Variants in SCN3B observed in about 807,000 individuals in gnomAD.
SCN3B encodes sodium channel regulatory subunit beta-3.
A neutral mutation model predicts 25.4 loss-of-function variants in SCN3B; 11 were observed. That is an observed-to-expected ratio of 0.43 (90% CI 0.27 to 0.72). The LOEUF (loss-of-function observed/expected upper bound fraction) is 0.72, where lower values mean the gene tolerates loss of function less well. Ranked by LOEUF, SCN3B falls within the 30% of genes least tolerant of loss-of-function variation. The pLI, the probability that SCN3B is intolerant of heterozygous loss-of-function variation, is 0.18. For missense variants in SCN3B, 218 were observed against 278.3 expected, an observed-to-expected ratio of 0.78 and a Z score of 1.54; for synonymous variants, 109 against 110.7, an observed-to-expected ratio of 0.99 and a Z score of 0.09.
chr11:123,654,127 C>G (rs1955964964), intron 1 of SCN3B, 99 bp downstream of exon 1: 2 of 474,280 alleles, frequency 4.2e-6, no homozygotes, highest in East Asian at 4.0e-5. Flanking sequence ...CCACTCGCGC[C>G]CCTGCCTCGC....
Position 123,645,574 on chromosome 11 carries a change from C to T in SCN3B, c.219+13G>A. 6.2e-7 allele frequency: 1 copy of T among 1,614,018 alleles called. No individual in the cohort carries two copies. The highest frequency in any genetic ancestry group is 8.5e-7 in the Non-Finnish European group (1 of 1,179,902). On this transcript the variant is annotated intron_variant, in intron 3 of 6. Coordinates refer to ENST00000299333, the MANE Select transcript of SCN3B (RefSeq NM_001040151.2). ...CCAGCAGAAGAAAGGCCAGAGTCAG[C>T]AGTCTAACATACAAGGAAATCTTTA...
At chr11:123,644,800 AATATAT>A (rs56135097) in intron 3 of SCN3B, among the ~76,000 whole-genome samples, 751 of 45,464 alleles carry the variant, frequency 0.017, 9 homozygotes, top group Non-Finnish European at 0.021. Flanking sequence ...AGAGAGAGAG[AATATAT>A]ATATATATAT....
rs1057521204 is a variant in SCN3B at position 123,645,569 on chromosome 11, G to A, written c.219+18C>T. 5.0e-6 allele frequency: 8 copies of A among 1,613,894 alleles called. No individual in the cohort carries two copies. Among genetic ancestry groups the A allele is most frequent in the Non-Finnish European group, 5.9e-6 (7 of 1,179,870 alleles). On this transcript the variant is annotated intron_variant, in intron 3 of 6. Coordinates refer to ENST00000299333, the MANE Select transcript of SCN3B (RefSeq NM_001040151.2). ...AGAGGCCAGCAGAAGAAAGGCCAGA[G>A]TCAGCAGTCTAACATACAAGGAAAT...
chr11:123,634,054 G>T, intron 6 of SCN3B, 67 bp downstream of exon 6: 2 of 1,303,568 alleles, frequency 1.5e-6, no homozygotes, highest in Non-Finnish European at 1.1e-6. Context: ...TCAGTTGTGG[G>T]CAACAAAGTC....
At chr11:123,652,257 A>G (rs374246268) in intron 2 of SCN3B, among the ~76,000 whole-genome samples, 2 of 152,314 alleles carry the variant, frequency 1.3e-5, no homozygotes, top group East Asian at 3.9e-4. Flanking sequence ...TTCAGCCTTA[A>G]TCTTCAAGGC....
chr11:123,647,245 T>G lies in SCN3B; in HGVS notation c.56-1495A>C, dbSNP rs113610821. 3.2e-3 allele frequency among the ~76,000 whole-genome samples: 483 copies of G among 152,118 alleles called. 4 individuals are homozygous for G. The highest frequency in any genetic ancestry group is 0.018 in the South Asian group (86 of 4,818). On this transcript the variant is annotated intron_variant, in intron 2 of 6. Coordinates refer to ENST00000299333, the MANE Select transcript of SCN3B (RefSeq NM_001040151.2). ...AATCCCAGCACTTTGGGAGGCTAAG[T>G]TGAGAGGATTGCTTGATGTTAGGGG...
At chr11:123,637,854 T>C (rs1009555004) in intron 5 of SCN3B, among the ~76,000 whole-genome samples, 6 of 151,954 alleles carry the variant, frequency 3.9e-5, no homozygotes, top group Non-Finnish European at 5.9e-5. Flanking sequence ...CTTTAACGGG[T>C]TGTGGTAGCA....
intron 3 of SCN3B, among the ~76,000 whole-genome samples, chr11:123,644,800 A>AGAG (rs1272015067): frequency 5.1e-3 from 231 of 45,520 alleles, no homozygotes; most frequent in Middle Eastern, 0.014. Context: ...AGAGAGAGAG[A>AGAG]ATATATATAT....
rs986518598 is a variant in SCN3B at position 123,631,855 on chromosome 11, A to G, written c.*1944T>C. On this transcript the variant is annotated 3_prime_UTR_variant, in exon 7 of 7. Coordinates refer to ENST00000299333, the MANE Select transcript of SCN3B (RefSeq NM_001040151.2). The stretch of plus-strand genomic sequence containing the variant: ...AAAAAATAATAATAAATAAATAAAA[A>G]TTTAAAAGTCTGGTTTTAAGTACTT... The G allele has an allele frequency of 1.3e-5, 2 of 152,162 alleles. No homozygotes were observed. Among genetic ancestry groups the G allele is most frequent in the African/African-American group, 4.8e-5 (2 of 41,448 alleles). 9.4% of individuals were successfully genotyped at this position (152,162 alleles called of 1,614,324 possible).
At position 123,632,861 on chromosome 11, in the gene SCN3B, C is replaced by A. The variant is rs1465962704; in HGVS notation, c.*938G>T. On this transcript the variant is annotated 3_prime_UTR_variant, in exon 7 of 7. Transcript: ENST00000299333. ...AGTGTAAACTGGGCAGCACCTAAGG[C>A]TTATTTCTGCTCCAGTTTATCCTCT... 1 of 152,214 alleles carries A rather than the reference C, an allele frequency of 6.6e-6. No individual in the cohort carries two copies. The highest frequency in any genetic ancestry group is 1.5e-5 in the Non-Finnish European group (1 of 68,050). 9.4% of individuals were successfully genotyped at this position (152,214 alleles called of 1,614,324 possible).
At chr11:123,638,074 G>T in intron 5 of SCN3B, 112 bp downstream of exon 5, 1 of 1,271,122 alleles carries the variant, frequency 7.9e-7, no homozygotes, top group Non-Finnish European at 1.1e-6. Flanking sequence ...CTCTTAAGCA[G>T]TGATCATGAA....
At chr11:123,654,001 G>A in intron 1 of SCN3B, 175 bp from the exon 2 acceptor site, 1 of 629,478 alleles carries the variant, frequency 1.6e-6, no homozygotes, top group East Asian at 2.7e-5. Context: ...TGGGCCCTAA[G>A]CGACCCCACT....
chr11:123,631,260 C>G lies in SCN3B; in HGVS notation c.*2539G>C, dbSNP rs1314748198. 2.0e-5 allele frequency: 3 copies of G among 152,098 alleles called. No individual in the cohort carries two copies. The South Asian group carries it at 6.2e-4, about 32-fold the overall frequency. 9.4% of individuals were successfully genotyped at this position (152,098 alleles called of 1,614,324 possible). A position where few individuals can be genotyped will look rare whatever the true frequency, so the allele number is the denominator to read the frequency against. On this transcript the variant is annotated 3_prime_UTR_variant, in exon 7 of 7. Coordinates refer to ENST00000299333, the MANE Select transcript of SCN3B (RefSeq NM_001040151.2). ...GAAGAGAAAAAGGCAATCATGCATACTGCCGGGTTCAACTTAGATACACGA... is the reference window on the plus strand; with the variant it reads ...GAAGAGAAAAAGGCAATCATGCATAGTGCCGGGTTCAACTTAGATACACGA...
chr11:123,649,354 G>A (rs190870255), intron 2 of SCN3B, among the ~76,000 whole-genome samples: 1 of 152,286 alleles, frequency 6.6e-6, no homozygotes, highest in East Asian at 1.9e-4. Context: ...TTGCCCCTAA[G>A]GCAACAATAA....
intron 3 of SCN3B, among the ~76,000 whole-genome samples, chr11:123,644,801 ATATATATATATATATATATATATAT>A (rs1450671429): frequency 4.3e-4 from 10 of 23,010 alleles, no homozygotes; most frequent in East Asian, 3.4e-3. Flanking sequence ...GAGAGAGAGA[ATATATATATATATATATATATATAT>A]ATATATATAT....
intron 4 of SCN3B, 175 bp from the exon 5 acceptor site, chr11:123,638,499 T>C: frequency 1.2e-6 from 1 of 809,634 alleles, no homozygotes; most frequent in Non-Finnish European, 2.0e-6. Context: ...CTGACTGTCA[T>C]CAGCTGCTCA....
chr11:123,641,611 C>G (rs1333587465), intron 4 of SCN3B, among the ~76,000 whole-genome samples: 1 of 152,140 alleles, frequency 6.6e-6, no homozygotes, highest in Non-Finnish European at 1.5e-5. Context: ...GAACTCCCCC[C>G]TCAGGATGCA....
chr11:123,644,800 A>AGAGAGAATAT (rs1272015067), intron 3 of SCN3B, among the ~76,000 whole-genome samples: 27 of 45,570 alleles, frequency 5.9e-4, no homozygotes, highest in African/African-American at 2.0e-3. Flanking sequence ...AGAGAGAGAG[A>AGAGAGAATAT]ATATATATAT....
In SCN3B at chr11:123,633,943, C is replaced by T. The variant is rs147561170; in HGVS notation, c.*23-167G>A. ...GGTCAAAGCAGTTCACCTTCCGAAG[C>T]GCTGACATCATACAGAGCTTTCTGA... is the stretch of plus-strand genomic sequence containing the variant. On this transcript the variant is annotated intron_variant, in intron 6 of 6. Coordinates refer to ENST00000299333, the MANE Select transcript of SCN3B (RefSeq NM_001040151.2). 7.7e-4 allele frequency: 456 copies of T among 590,018 alleles called. 3 individuals are homozygous for T. The highest frequency in any genetic ancestry group is 7.1e-3 in the East Asian group (229 of 32,154). 36.5% of individuals were successfully genotyped at this position (590,018 alleles called of 1,614,324 possible).
Sources: gnomAD v4.1 joint callset for allele counts (sites outside exome capture counted in the v4.1 genomes callset) on GRCh38, gnomAD v4.1.1 for gene constraint, MANE v1.5 for transcripts, NCBI Gene and HGNC (gene_info 2026-07-23, HGNC 2026-07-21) for gene names.